BMP10: variants seen among roughly 807,000 people sequenced by gnomAD.
BMP10 encodes the protein bone morphogenetic protein 10.
In BMP10, 9 loss-of-function variants were observed where a neutral mutation model predicts 29.9. The ratio of observed to expected loss-of-function variants is 0.30; its 90% CI spans 0.18 to 0.53. The LOEUF (loss-of-function observed/expected upper bound fraction) is 0.53, where lower values mean the gene tolerates loss of function less well. Among genes scored for constraint, BMP10 ranks in the 20% least tolerant of loss-of-function variants. BMP10 has a pLI of 0.96. For synonymous variants in BMP10, 202 were observed against 200.2 expected, an observed-to-expected ratio of 1.01 and a Z score of -0.07; for missense variants, 474 against 524.3, an observed-to-expected ratio of 0.90 and a Z score of 0.94.
intron 1 of BMP10, among the ~76,000 whole-genome samples, chr2:68,869,557 G>T (rs554327680): frequency 4.9e-4 from 74 of 152,244 alleles, no homozygotes; most frequent in African/African-American, 1.7e-3. Flanking sequence ...AAGTGAGAAC[G>T]GAAAACGTTT....
In BMP10 at chr2:68,865,712, G is replaced by A. The variant is rs775403953; in HGVS notation, c.1194C>T (p.Ser398=). ...CCVPTKLEPI[S]ILYLDKGVVT... The stretch of plus-strand genomic sequence containing the variant: ...CGACGCCTTTGTCTAAATAGAGGAT[G>A]GAGATGGGCTCTAGCTTTGTGGGCA... Residue 398 remains serine, a synonymous_variant, in exon 2 of 2, where the codon TCC becomes TCT. Transcript: ENST00000295379. This position sits in a 1 kb window ranked among gnomAD's most constrained non-coding sequence, Gnocchi z 4.7. The A allele has an allele frequency of 1.2e-5, 19 of 1,614,148 alleles. No homozygotes were observed. Among genetic ancestry groups the A allele is most frequent in the Non-Finnish European group, 1.5e-5 (18 of 1,179,990 alleles).
intron 1 of BMP10, among the ~76,000 whole-genome samples, chr2:68,868,172 T>C (rs772344878): frequency 3.3e-5 from 5 of 152,218 alleles, no homozygotes; most frequent in African/African-American, 4.8e-5. Flanking sequence ...ATTGAATGGA[T>C]TTGTAAACCC....
rs997898343 is a variant in BMP10 at position 68,864,039 on chromosome 2, G to C, written c.*1592C>G. On this transcript the variant is annotated 3_prime_UTR_variant, in exon 2 of 2. Coordinates refer to ENST00000295379, the MANE Select transcript of BMP10 (RefSeq NM_014482.3). ...GCCCAGAATATGCTTGCCAGGTAGA[G>C]GGAAATGGTTAGGGGTTAAGACTGG... 6.6e-6 allele frequency among the ~76,000 whole-genome samples: 1 copy of C among 152,126 alleles called. No individual in the cohort carries two copies. The highest frequency in any genetic ancestry group is 6.6e-5 in the Admixed American group (1 of 15,266).
At position 68,861,008 on chromosome 2, in the gene BMP10, T is replaced by TTAAA. The variant is rs1682844611; in HGVS notation, c.*4619_*4622dup. Among the ~76,000 whole-genome samples the TTAAA allele has an allele frequency of 6.6e-6, 1 of 152,166 alleles. No homozygotes were observed. On this transcript the variant is annotated 3_prime_UTR_variant, in exon 2 of 2. Coordinates refer to ENST00000295379, the MANE Select transcript of BMP10 (RefSeq NM_014482.3). ...ATGAAAAAGTGGGGAGTGTGCAAAATTAAATACCTTACCTCAAGGAAAAAT... is the reference window on the plus strand; with the variant it reads ...ATGAAAAAGTGGGGAGTGTGCAAAATTAAATAAATACCTTACCTCAAGGAAAAAT...
chr2:68,869,609 C>T lies in BMP10; in HGVS notation c.334+1416G>A, dbSNP rs193270187. ...TGCAAACAACATTTTCTCACCCACA[C>T]CCTGAGCCAGACACTTAGGGCTCAG... On this transcript the variant is annotated intron_variant, in intron 1 of 1. Transcript: ENST00000295379. Among the ~76,000 whole-genome samples, 3 of 152,274 alleles carry T rather than the reference C, an allele frequency of 2.0e-5. No homozygotes were observed. In the East Asian group the frequency reaches 5.8e-4, roughly 29 times the overall value.
In BMP10 at chr2:68,866,154, G is replaced by T; in HGVS notation, c.752C>A (p.Pro251His). The T allele has an allele frequency of 6.2e-7, 1 of 1,614,050 alleles. No individual in the cohort carries two copies. The highest frequency in any genetic ancestry group is 8.5e-7 in the Non-Finnish European group (1 of 1,179,978). The change falls in exon 2 of 2, where the codon CCT (proline) becomes CAT (histidine). Residue 251 changes from proline (P) to histidine (H), a missense_variant. Coordinates refer to ENST00000295379, the MANE Select transcript of BMP10 (RefSeq NM_014482.3). Reference protein sequence around the residue: ...IDTSAQNKHNPLLIVFSDDQS... With the variant: ...IDTSAQNKHNHLLIVFSDDQS... ...GTCATCAGAAAACACGATGAGCAAA[G>T]GGTTATGCTTATTCTGGGCACTGGT... is the stretch of plus-strand genomic sequence containing the variant.
At position 68,866,684 on chromosome 2, in the gene BMP10, T is replaced by C. The variant is rs1682963469; in HGVS notation, c.335-113A>G. ...TGCACAAAGCTTAATGCAGAAAGAA[T>C]GAAGGGAGAAAATCAATGAGAACAA... On this transcript the variant is annotated intron_variant, in intron 1 of 1. Transcript: ENST00000295379. The C allele has an allele frequency of 1.1e-5, 9 of 783,990 alleles. No homozygotes were observed. The South Asian group carries it at 1.7e-4, about 15-fold the overall frequency. 48.6% of individuals were successfully genotyped at this position (783,990 alleles called of 1,614,324 possible).
At chr2:68,867,476 C>T (rs567040735) in intron 1 of BMP10, among the ~76,000 whole-genome samples, 80 of 152,280 alleles carry the variant, frequency 5.3e-4, no homozygotes, top group Non-Finnish European at 9.6e-4. Flanking sequence ...TGGCATGGGG[C>T]GTGACATGTA....
chr2:68,861,307 A>T lies in BMP10; in HGVS notation c.*4324T>A, dbSNP rs554326886. 1.4e-4 allele frequency among the ~76,000 whole-genome samples: 22 copies of T among 152,340 alleles called. No homozygotes were observed. In the South Asian group the frequency reaches 2.1e-3, roughly 14 times the overall value. ...GCGCTGGCACATTGGCCGCCCCACC[A>T]CTATCAAGCCAGGTGCTCACAAAAC... is the stretch of plus-strand genomic sequence containing the variant. On this transcript the variant is annotated 3_prime_UTR_variant, in exon 2 of 2. Coordinates refer to ENST00000295379, the MANE Select transcript of BMP10 (RefSeq NM_014482.3).
At chr2:68,867,906 ATGTG>A (rs68027139) in intron 1 of BMP10, among the ~76,000 whole-genome samples, 19 of 151,858 alleles carry the variant, frequency 1.3e-4, no homozygotes, top group Non-Finnish European at 2.6e-4. Flanking sequence ...GGTGATATTT[ATGTG>A]TGTTTGCTAA....
rs1034573991 is a variant in BMP10, at chr2:68,864,948, C to T, written c.*683G>A. Reference sequence around the variant, plus strand: ...CATGCTGGTTTCTTCTGTTTTCCTGCCTTGACCAGGAGTTGCCCTCTGGAG... The same window carrying T: ...CATGCTGGTTTCTTCTGTTTTCCTGTCTTGACCAGGAGTTGCCCTCTGGAG... On this transcript the variant is annotated 3_prime_UTR_variant, in exon 2 of 2. Coordinates refer to ENST00000295379, the MANE Select transcript of BMP10 (RefSeq NM_014482.3). 4.6e-5 allele frequency among the ~76,000 whole-genome samples: 7 copies of T among 152,166 alleles called. No individual in the cohort carries two copies. Among genetic ancestry groups the T allele is most frequent in the Non-Finnish European group, 7.3e-5 (5 of 68,036 alleles).
In BMP10 at chr2:68,862,968, T is replaced by C. The variant is rs1463360180; in HGVS notation, c.*2663A>G. On this transcript the variant is annotated 3_prime_UTR_variant, in exon 2 of 2. Coordinates refer to ENST00000295379, the MANE Select transcript of BMP10 (RefSeq NM_014482.3). ...ATCGCCAACAGCCTATATTTTCATA[T>C]CTCTTTAACAGAAGAGTGACTATAA... Among the ~76,000 whole-genome samples the C allele has an allele frequency of 7.2e-5, 11 of 152,158 alleles. No homozygotes were observed. Among genetic ancestry groups the C allele is most frequent in the Non-Finnish European group, 1.5e-5 (1 of 68,026 alleles).
rs1682924605 is a variant in BMP10 at position 68,864,970 on chromosome 2, G to A, written c.*661C>T. On this transcript the variant is annotated 3_prime_UTR_variant, in exon 2 of 2. Coordinates refer to ENST00000295379, the MANE Select transcript of BMP10 (RefSeq NM_014482.3). ...CTGCCTTGACCAGGAGTTGCCCTCT[G>A]GAGCACATTGGTCCTCCATGGGTTC... Among the ~76,000 whole-genome samples the A allele has an allele frequency of 6.6e-6, 1 of 152,110 alleles. No homozygotes were observed. The highest frequency in any genetic ancestry group is 1.5e-5 in the Non-Finnish European group (1 of 68,032).
At position 68,863,791 on chromosome 2, in the gene BMP10, T is replaced by C. The variant is rs1433166063; in HGVS notation, c.*1840A>G. 2.6e-5 allele frequency among the ~76,000 whole-genome samples: 4 copies of C among 152,116 alleles called. No individual in the cohort carries two copies. The highest frequency in any genetic ancestry group is 2.0e-4 in the Admixed American group (3 of 15,268). ...CTAGTGCAGTTTGAGTTTATAACCTTAAGAGATTTGTAAAAGGGGACTGAT... is the reference window on the plus strand; with the variant it reads ...CTAGTGCAGTTTGAGTTTATAACCTCAAGAGATTTGTAAAAGGGGACTGAT... On this transcript the variant is annotated 3_prime_UTR_variant, in exon 2 of 2. Transcript: ENST00000295379.
In BMP10 at chr2:68,865,787, C is replaced by T. The variant is rs2103805042; in HGVS notation, c.1119G>A (p.Gln373=). The part of the protein sequence containing the change: ...HLTPTKHAII[Q]ALVHLKNSQK... The stretch of plus-strand genomic sequence containing the variant: ...GGGAATTCTTGAGGTGGACCAAGGC[C>T]TGGATAATTGCATGCTTTGTGGGTG... Residue 373 remains glutamine, a synonymous_variant, in exon 2 of 2, where the codon CAG becomes CAA. Transcript: ENST00000295379. The surrounding 1 kb of genome is among the most constrained non-coding windows in gnomAD (Gnocchi z 4.7). 1 of 1,614,056 alleles carries T rather than the reference C, an allele frequency of 6.2e-7. No individual in the cohort carries two copies. The highest frequency in any genetic ancestry group is 8.5e-7 in the Non-Finnish European group (1 of 1,179,982).
At chr2:68,870,134 T>C (rs1176474040) in intron 1 of BMP10, among the ~76,000 whole-genome samples, 1 of 152,182 alleles carries the variant, frequency 6.6e-6, no homozygotes, top group Non-Finnish European at 1.5e-5. Context: ...TATACCTGGT[T>C]AGTGACTATA....
chr2:68,868,875 C>T (rs1683019182), intron 1 of BMP10, among the ~76,000 whole-genome samples: 1 of 152,190 alleles, frequency 6.6e-6, no homozygotes, highest in South Asian at 2.1e-4. Flanking sequence ...TATGTCAACA[C>T]CTTTCAAATT....
Position 68,870,736 on chromosome 2 carries a change from A to C in BMP10, c.334+289T>G, listed in dbSNP as rs140625386. On this transcript the variant is annotated intron_variant, in intron 1 of 1. Coordinates refer to ENST00000295379, the MANE Select transcript of BMP10 (RefSeq NM_014482.3). ...CAGTAGACCAACATTAATTCTTTGT[A>C]TTACTTGGTGTTCAAATTAACATTT... is the stretch of plus-strand genomic sequence containing the variant. 1.8e-4 allele frequency among the ~76,000 whole-genome samples: 28 copies of C among 152,336 alleles called. No individual in the cohort carries two copies. The East Asian group carries it at 5.2e-3, about 28-fold the overall frequency.
rs1162348921 is a variant in BMP10 at position 68,862,897 on chromosome 2, T to G, written c.*2734A>C. On this transcript the variant is annotated 3_prime_UTR_variant, in exon 2 of 2. Transcript: ENST00000295379. ...AAGCAGAAAATCATAGAAATGCAGG[T>G]TTACATCTGGATGGGCAGAAAGAAA... 6.6e-6 allele frequency among the ~76,000 whole-genome samples: 1 copy of G among 152,146 alleles called. No homozygotes were observed. Among genetic ancestry groups the G allele is most frequent in the Admixed American group, 6.5e-5 (1 of 15,278 alleles).
Sources: gnomAD v4.1 joint callset for allele counts (sites outside exome capture counted in the v4.1 genomes callset) on GRCh38, gnomAD v4.1.1 for gene constraint, Gnocchi (gnomAD v3.1) non-coding constraint, MANE v1.5 for transcripts, NCBI Gene and HGNC (gene_info 2026-07-23, HGNC 2026-07-21) for gene names.